PPA2: variants seen among roughly 807,000 people sequenced by gnomAD.
PPA2 encodes the protein inorganic pyrophosphatase 2, mitochondrial.
A neutral mutation model predicts 49.5 loss-of-function variants in PPA2; 48 were observed. The observed-to-expected ratio is 0.97, with a 90% CI of 0.77 to 1.23. The LOEUF (loss-of-function observed/expected upper bound fraction) is 1.23, where lower values mean the gene tolerates loss of function less well. Ranked by LOEUF, PPA2 falls within the 50% of genes most tolerant of loss-of-function variation. PPA2 has a pLI of 0.00. For missense variants in PPA2, 429 were observed against 410.1 expected, an observed-to-expected ratio of 1.05 and a Z score of -0.40; for synonymous variants, 131 against 139.9, an observed-to-expected ratio of 0.94 and a Z score of 0.45.
chr4:105,427,195 G>T (rs1212395587), intron 6 of PPA2, among the ~76,000 whole-genome samples: 2 of 152,060 alleles, frequency 1.3e-5, no homozygotes, highest in Non-Finnish European at 2.9e-5. Flanking sequence ...CCATCCATAG[G>T]TCACCAACAT....
At chr4:105,379,502 T>A (rs921807442) in intron 10 of PPA2, among the ~76,000 whole-genome samples, 12 of 151,970 alleles carry the variant, frequency 7.9e-5, no homozygotes, top group Admixed American at 2.0e-4. Context: ...TGGCTCTTGT[T>A]GCCCAGGCTG....
At chr4:105,419,504 T>C (rs1429595983) in intron 7 of PPA2, among the ~76,000 whole-genome samples, 1 of 152,188 alleles carries the variant, frequency 6.6e-6, no homozygotes, top group African/African-American at 2.4e-5. Context: ...TTTTTTAGAC[T>C]TTTACAGTGG....
chr4:105,419,499 T>C (rs1345505177), intron 7 of PPA2, among the ~76,000 whole-genome samples: 1 of 152,242 alleles, frequency 6.6e-6, no homozygotes, highest in East Asian at 1.9e-4. Context: ...GGACATTTTT[T>C]AGACTTTTAC....
rs1733277927 is a variant in PPA2, at chr4:105,376,913, TCA to T, written c.940-6042_940-6041del. The stretch of plus-strand genomic sequence containing the variant: ...CTACAGTACCAAGTATTAGAGAACC[TCA>T]CACATTGTTTAATTCATATTTCCCC... On this transcript the variant is annotated intron_variant, in intron 10 of 11. Coordinates refer to ENST00000341695, the MANE Select transcript of PPA2 (RefSeq NM_176869.3). Among the ~76,000 whole-genome samples the T allele has an allele frequency of 2.0e-5, 3 of 152,286 alleles. No individual in the cohort carries two copies. In the South Asian group the frequency reaches 6.2e-4, roughly 32 times the overall value.
chr4:105,387,767 G>A (rs1278978866), intron 9 of PPA2, among the ~76,000 whole-genome samples: 1 of 125,622 alleles, frequency 8.0e-6, no homozygotes, highest in East Asian at 3.6e-4. Flanking sequence ...GAACTTAAAA[G>A]TTGAGGGGGA....
intron 1 of PPA2, among the ~76,000 whole-genome samples, chr4:105,466,307 G>A (rs567915221): frequency 6.6e-6 from 1 of 151,520 alleles, no homozygotes; most frequent in East Asian, 1.9e-4. Context: ...TTGAATATAT[G>A]CACTGTACTA....
At chr4:105,425,727 C>CAT (rs112441622) in intron 6 of PPA2, among the ~76,000 whole-genome samples, 15,087 of 128,550 alleles carry the variant, frequency 0.12, 755 homozygotes, top group African/African-American at 0.16. Flanking sequence ...TGCACATACA[C>CAT]ACACACACAC....
intron 9 of PPA2, among the ~76,000 whole-genome samples, chr4:105,388,937 G>A (rs1235301866): frequency 1.3e-5 from 2 of 151,844 alleles, no homozygotes; most frequent in Non-Finnish European, 2.9e-5. Flanking sequence ...TACATAGGAT[G>A]AAAGATTACA....
At position 105,399,076 on chromosome 4, in the gene PPA2, T is replaced by TG. The variant is rs768365196; in HGVS notation, c.743dup (p.Glu249ArgfsTer7). On this transcript the variant is annotated frameshift_variant, in exon 8 of 12. Transcript: ENST00000341695. LOFTEE classifies it high-confidence loss of function. ...CTCCATTAAAAGCAAACTGGTTTTC[T>TG]GGTTTTCCATCTGGTACCTTATATA... The TG allele has an allele frequency of 6.2e-7, 1 of 1,609,382 alleles. No homozygotes were observed. The highest frequency in any genetic ancestry group is 8.5e-7 in the Non-Finnish European group (1 of 1,178,964).
intron 6 of PPA2, among the ~76,000 whole-genome samples, chr4:105,433,053 G>A (rs975179729): frequency 2.0e-5 from 3 of 152,164 alleles, no homozygotes; most frequent in Non-Finnish European, 2.9e-5. Context: ...TTATAGACTA[G>A]TACTTTACTA....
At chr4:105,455,427 T>C (rs1410686301) in intron 2 of PPA2, among the ~76,000 whole-genome samples, 1 of 152,096 alleles carries the variant, frequency 6.6e-6, no homozygotes, top group Non-Finnish European at 1.5e-5. Flanking sequence ...CTGGAGGCAT[T>C]ACACAAGAGA....
At chr4:105,376,764 G>C (rs1002220838) in intron 10 of PPA2, among the ~76,000 whole-genome samples, 1 of 152,150 alleles carries the variant, frequency 6.6e-6, no homozygotes, top group African/African-American at 2.4e-5. Flanking sequence ...GAGTTAGGCT[G>C]TGCACATGTC....
At chr4:105,415,708 G>T (rs1019674634) in intron 7 of PPA2, among the ~76,000 whole-genome samples, 1 of 152,202 alleles carries the variant, frequency 6.6e-6, no homozygotes, top group African/African-American at 2.4e-5. Flanking sequence ...CCGGTGGAGT[G>T]TGCAGCCTTG....
At chr4:105,461,456 C>A (rs901213767) in intron 1 of PPA2, among the ~76,000 whole-genome samples, 12 of 152,178 alleles carry the variant, frequency 7.9e-5, no homozygotes, top group Admixed American at 7.9e-4. Flanking sequence ...GGAGGGGCAG[C>A]AGTCAGACTT....
At chr4:105,439,330 A>G (rs951487635) in intron 5 of PPA2, among the ~76,000 whole-genome samples, 6 of 152,222 alleles carry the variant, frequency 3.9e-5, no homozygotes, top group African/African-American at 1.2e-4. Flanking sequence ...GCAAATTATG[A>G]TAACAATTGA....
intron 6 of PPA2, among the ~76,000 whole-genome samples, chr4:105,428,343 A>G (rs945799836): frequency 5.3e-5 from 8 of 152,202 alleles, no homozygotes; most frequent in Admixed American, 3.3e-4. Flanking sequence ...AAATTCATAC[A>G]TAACAATATT....
chr4:105,453,725 T>C (rs112544095), intron 2 of PPA2, 83 bp from the exon 3 acceptor site: 86 of 1,044,750 alleles, frequency 8.2e-5, no homozygotes, highest in South Asian at 2.8e-4. Flanking sequence ...ATATGACTAT[T>C]GTATAGACAT....
At chr4:105,439,697 TATG>T (rs141945982) in intron 5 of PPA2, among the ~76,000 whole-genome samples, 19,217 of 152,056 alleles carry the variant, frequency 0.13, 1,307 homozygotes, top group African/African-American at 0.16. Flanking sequence ...AGGTAATTAT[TATG>T]ATACTTTTAA....
At chr4:105,376,064 C>T (rs1393099355) in intron 10 of PPA2, among the ~76,000 whole-genome samples, 1 of 152,198 alleles carries the variant, frequency 6.6e-6, no homozygotes, top group Non-Finnish European at 1.5e-5. Flanking sequence ...AACAATGCCT[C>T]AGACTCACAT....
Sources: gnomAD v4.1 joint callset for allele counts (sites outside exome capture counted in the v4.1 genomes callset) on GRCh38, gnomAD v4.1.1 for gene constraint, MANE v1.5 for transcripts, NCBI Gene and HGNC (gene_info 2026-07-23, HGNC 2026-07-21) for gene names.